The following NRXN1 variants were observed in gnomAD, a reference collection of about 807,000 sequenced individuals.
The protein encoded by NRXN1 is neurexin 1, also known as neurexin-1.
A neutral mutation model predicts 150.9 loss-of-function variants in NRXN1; 39 were observed. The ratio of observed to expected loss-of-function variants is 0.26; its 90% CI spans 0.20 to 0.34. NRXN1 has a LOEUF of 0.34. NRXN1 is among the 10% of genes least tolerant of loss of function. The pLI, the probability that NRXN1 is intolerant of heterozygous loss-of-function variation, is 1.00. For synonymous variants in NRXN1, 924 were observed against 757.0 expected (o/e 1.22, Z -3.62); for missense variants, 1,815 against 1,949.9 (o/e 0.93, Z 1.30).
intron 5 of NRXN1, among the ~76,000 whole-genome samples, chr2:50,769,262 A>C (rs1459097643): frequency 6.6e-6 from 1 of 152,076 alleles, no homozygotes; most frequent in Non-Finnish European, 1.5e-5. Context: ...GCAGTTAAGC[A>C]AGAGCAAGCC....
chr2:50,522,499 T>C (rs1442453506), intron 12 of NRXN1, among the ~76,000 whole-genome samples: 1 of 152,246 alleles, frequency 6.6e-6, no homozygotes, highest in South Asian at 2.1e-4. Flanking sequence ...TTTTAGAATA[T>C]CACAGCATTT....
chr2:50,723,491 TG>T (rs1370521944), intron 5 of NRXN1, among the ~76,000 whole-genome samples: 1 of 152,200 alleles, frequency 6.6e-6, no homozygotes, highest in Non-Finnish European at 1.5e-5. Context: ...TATTGTTATG[TG>T]GAAAGTCGGG....
intron 17 of NRXN1, among the ~76,000 whole-genome samples, chr2:50,337,912 CCAGATATCAATACCT>C: frequency 6.6e-6 from 1 of 152,194 alleles, no homozygotes; most frequent in Middle Eastern, 3.4e-3. Context: ...TTAAAGGCAT[CCAGATATCAATACCT>C]TGTGTATTAA....
intron 19 of NRXN1, among the ~76,000 whole-genome samples, chr2:50,077,192 G>C (rs58228125): frequency 0.02 from 3,116 of 152,196 alleles, 88 homozygotes; most frequent in African/African-American, 0.072. Context: ...GCCCACTACA[G>C]ACTGCATGTC....
intron 17 of NRXN1, among the ~76,000 whole-genome samples, chr2:50,444,157 T>C (rs2086199285): frequency 6.6e-6 from 1 of 152,224 alleles, no homozygotes; most frequent in Non-Finnish European, 1.5e-5. Context: ...TCTTTCATTC[T>C]TCTCTGATAA....
intron 8 of NRXN1, among the ~76,000 whole-genome samples, chr2:50,618,851 T>C (rs1055194891): frequency 2.6e-5 from 4 of 151,868 alleles, no homozygotes; most frequent in Non-Finnish European, 4.4e-5. Context: ...TACTACATAT[T>C]TGTAACCAGT....
intron 17 of NRXN1, among the ~76,000 whole-genome samples, chr2:50,461,195 C>CT (rs1418896029): frequency 1.3e-5 from 2 of 151,910 alleles, no homozygotes; most frequent in African/African-American, 2.4e-5. Context: ...GCGAATGTTT[C>CT]TAACTCTCAT....
chr2:50,513,290 G>C (rs1035840392), intron 12 of NRXN1, among the ~76,000 whole-genome samples: 1 of 152,092 alleles, frequency 6.6e-6, no homozygotes, highest in Non-Finnish European at 1.5e-5. Flanking sequence ...ATTAAAAAAT[G>C]GTTGACAGTC....
Position 50,496,016 on chromosome 2 carries a change from G to C in NRXN1, c.2959C>G (p.Gln987Glu). 6.2e-7 allele frequency: 1 copy of C among 1,613,510 alleles called. No individual in the cohort carries two copies. Among genetic ancestry groups the C allele is most frequent in the Non-Finnish European group, 8.5e-7 (1 of 1,179,652 alleles). ...CTTGATATCATCACGTTGTGCCACT[G>C]ATTGTCATTGAGAGGTTTATTTGAG... The part of the protein sequence containing the change: ...GSSNKPLNDN[Q>E]WHNVMISRDT... The change falls in exon 15 of 23, where the codon CAG becomes GAG. Residue 987 changes from glutamine (Q) to glutamate (E), a missense_variant. Physicochemically the swap from Gln to Glu is conservative, Grantham distance 29. Coordinates refer to ENST00000401669, the MANE Select transcript of NRXN1 (RefSeq NM_001330078.2).
intron 5 of NRXN1, among the ~76,000 whole-genome samples, chr2:50,628,212 T>C (rs1028705605): frequency 2.6e-5 from 4 of 151,850 alleles, no homozygotes; most frequent in African/African-American, 9.7e-5. Flanking sequence ...TAATAAACAG[T>C]TTGCAATTCA....
At chr2:50,364,105 G>T (rs2079417559) in intron 17 of NRXN1, among the ~76,000 whole-genome samples, 1 of 152,166 alleles carries the variant, frequency 6.6e-6, no homozygotes, top group Non-Finnish European at 1.5e-5. Flanking sequence ...TGGGGAGCAA[G>T]GGGAGGGATA....
intron 18 of NRXN1, among the ~76,000 whole-genome samples, chr2:50,210,822 T>C (rs758616967): frequency 9.2e-5 from 14 of 151,522 alleles, no homozygotes; most frequent in Non-Finnish European, 2.1e-4. Context: ...TATATTATTA[T>C]ATGTTTATAT....
intron 18 of NRXN1, chr2:50,175,283 G>C (rs991279144): frequency 6.6e-6 from 1 of 152,158 alleles, no homozygotes; most frequent in Non-Finnish European, 1.5e-5. Context: ...TTATAAAGAA[G>C]TTATAGGTAA....
chr2:50,783,835 T>C (rs964756765), intron 5 of NRXN1, among the ~76,000 whole-genome samples: 19 of 152,112 alleles, frequency 1.2e-4, no homozygotes, highest in African/African-American at 4.1e-4. Context: ...ACAGGAATTA[T>C]AGGAGTAATG....
At chr2:50,792,603 C>T (rs1559269847) in intron 5 of NRXN1, among the ~76,000 whole-genome samples, 1 of 151,856 alleles carries the variant, frequency 6.6e-6, no homozygotes, top group Non-Finnish European at 1.5e-5. Flanking sequence ...AGTTAAGCCT[C>T]AAATAAGAAA....
chr2:50,580,587 A>G (rs1672112924), intron 8 of NRXN1, among the ~76,000 whole-genome samples: 1 of 152,226 alleles, frequency 6.6e-6, no homozygotes, highest in Admixed American at 6.5e-5. Flanking sequence ...TGGAACAGAG[A>G]GCTACGTATG....
chr2:50,496,689 A>T (rs2091647809), intron 14 of NRXN1, among the ~76,000 whole-genome samples: 1 of 152,156 alleles, frequency 6.6e-6, no homozygotes. Flanking sequence ...TGTGGGTATG[A>T]CTCACAGTGG....
At chr2:50,936,938 A>C (rs1688645081) in intron 2 of NRXN1, among the ~76,000 whole-genome samples, 1 of 152,150 alleles carries the variant, frequency 6.6e-6, no homozygotes, top group Non-Finnish European at 1.5e-5. Flanking sequence ...TGGAGAATCT[A>C]GGCATTTCTT....
intron 5 of NRXN1, among the ~76,000 whole-genome samples, chr2:50,789,951 G>C (rs1705696675): frequency 6.6e-6 from 1 of 152,154 alleles, no homozygotes; most frequent in South Asian, 2.1e-4. Context: ...AGAATTAGTA[G>C]CTTTGCAAAT....
Sources: allele counts gnomAD v4.1 joint callset (sites outside exome capture counted in the v4.1 genomes callset), GRCh38; gene constraint gnomAD v4.1.1; transcripts MANE v1.5; gene names NCBI Gene and HGNC (gene_info 2026-07-23, HGNC 2026-07-21).